The following ERI1 variants were observed in gnomAD, a reference collection of about 807,000 sequenced individuals.
The protein encoded by ERI1 is exoribonuclease 1.
ERI1 carries 39 observed loss-of-function variants against 39.7 expected under a neutral mutation model. The observed-to-expected ratio is 0.98, with a 90% confidence interval of 0.76 to 1.28. ERI1 has a LOEUF of 1.28. Ranked by LOEUF, ERI1 falls within the 50% of genes most tolerant of loss-of-function variation. The probability of loss-of-function intolerance (pLI) is 0.00; values close to 1 mark genes in which losing one functional copy is unlikely to be tolerated. For missense variants in ERI1, 581 were observed against 416.9 expected, an observed-to-expected ratio of 1.39 and a Z score of -3.43; for synonymous variants, 204 against 149.6, an observed-to-expected ratio of 1.36 and a Z score of -2.65.
chr8:9,072,242 TGA>T (rs757747245), intron 3 of ERI1, among the ~76,000 whole-genome samples: 34 of 152,188 alleles, frequency 2.2e-4, no homozygotes, highest in Admixed American at 1.6e-3. Context: ...GTTGCCGTGT[TGA>T]GTCTTGTTTT....
intron 3 of ERI1, among the ~76,000 whole-genome samples, chr8:9,090,399 G>T (rs748466433): frequency 6.6e-6 from 1 of 152,150 alleles, no homozygotes; most frequent in Non-Finnish European, 1.5e-5. Flanking sequence ...TAGGAATCCA[G>T]CCAAAGGAAA....
At chr8:9,085,191 C>A (rs1011859565) in intron 3 of ERI1, among the ~76,000 whole-genome samples, 3 of 152,166 alleles carry the variant, frequency 2.0e-5, no homozygotes, top group Middle Eastern at 3.4e-3. Flanking sequence ...GTTTTTCTTT[C>A]TGTTTTTGTT....
chr8:9,063,206 T>G (rs1182797926), intron 3 of ERI1, among the ~76,000 whole-genome samples: 1 of 152,180 alleles, frequency 6.6e-6, no homozygotes, highest in East Asian at 1.9e-4. Context: ...TTTGACCTTT[T>G]AGGGTCTAGG....
intron 3 of ERI1, among the ~76,000 whole-genome samples, chr8:9,057,993 G>A (rs1212901048): frequency 2.0e-5 from 3 of 152,206 alleles, no homozygotes; most frequent in African/African-American, 4.8e-5. Flanking sequence ...GGGGGCCGTT[G>A]CAAGCATTTG....
At chr8:9,022,579 C>A (rs1023129329) in intron 6 of ERI1, among the ~76,000 whole-genome samples, 2 of 151,822 alleles carry the variant, frequency 1.3e-5, no homozygotes. Flanking sequence ...TTTGTATTTT[C>A]AGTAGAGACG....
downstream of ERI1, among the ~76,000 whole-genome samples, chr8:9,034,036 C>T (rs1391043695): frequency 6.6e-6 from 1 of 152,196 alleles, no homozygotes; most frequent in Non-Finnish European, 1.5e-5. Context: ...ACGATTTTTG[C>T]TTTAAAATTT....
chr8:9,027,137 G>GT (rs1491337612), intron 6 of ERI1, among the ~76,000 whole-genome samples: 3 of 45,860 alleles, frequency 6.5e-5, no homozygotes, highest in Non-Finnish European at 1.1e-4. Context: ...TTATTTTCTG[G>GT]TGTGTGTGTG....
intron 3 of ERI1, among the ~76,000 whole-genome samples, chr8:9,090,492 A>G (rs1474543727): frequency 6.6e-6 from 1 of 152,222 alleles, no homozygotes; most frequent in African/African-American, 2.4e-5. Context: ...AAAAAAATCT[A>G]CATGACCAGG....
rs551127774 is a variant in ERI1, at chr8:9,072,691, C to T, written n.300-43657C>T. Among the ~76,000 whole-genome samples, 8 of 152,204 alleles carry T rather than the reference C, an allele frequency of 5.3e-5. No individual in the cohort carries two copies. The South Asian group carries it at 1.7e-3, about 32-fold the overall frequency. ...TTTGATTTAAATCTCCATCTCACTC[C>T]GCCACTATTTTTGATCAATTCTTCA... On this transcript the variant is annotated intron_variant and non_coding_transcript_variant, in intron 3 of 3. Coordinates refer to the ERI1 transcript ENST00000518663.
chr8:9,009,580 G>T (rs186830448), intron 2 of ERI1, among the ~76,000 whole-genome samples: 20 of 151,988 alleles, frequency 1.3e-4, no homozygotes, highest in African/African-American at 3.9e-4. Context: ...TTGCTCTGTC[G>T]CCAGGCTGGA....
In ERI1 at chr8:9,030,045, G is replaced by A; in HGVS notation, c.*11G>A. 1 of 1,611,894 alleles carries A rather than the reference G, an allele frequency of 6.2e-7. No homozygotes were observed. Among genetic ancestry groups the A allele is most frequent in the African/African-American group, 1.3e-5 (1 of 75,008 alleles). On this transcript the variant is annotated 3_prime_UTR_variant, in exon 7 of 7. Coordinates refer to ENST00000250263, the MANE Select transcript of ERI1 (RefSeq NM_153332.4). ...CATTTTAGAAAGTAACAACAGTTTT[G>A]TGTGTGGATCATTCCAATTGAAGTT...
chr8:9,087,086 GGTTT>G (rs1332498017), intron 3 of ERI1, among the ~76,000 whole-genome samples: 1 of 151,730 alleles, frequency 6.6e-6, no homozygotes, highest in Admixed American at 6.6e-5. Context: ...AGAATGTGCA[GGTTT>G]GTTACATAGG....
chr8:9,048,112 G>C (rs1798238024), intron 3 of ERI1, among the ~76,000 whole-genome samples: 1 of 152,212 alleles, frequency 6.6e-6, no homozygotes, highest in Admixed American at 6.5e-5. Context: ...AACCACCTGA[G>C]TGAAGAAAAA....
chr8:9,029,100 T>C (rs1359502051), intron 6 of ERI1, among the ~76,000 whole-genome samples: 3 of 152,024 alleles, frequency 2.0e-5, no homozygotes. Context: ...AAGGCTAGTC[T>C]TTTTATCTAA....
chr8:9,047,588 A>G (rs1352575654), intron 3 of ERI1, among the ~76,000 whole-genome samples: 4 of 151,942 alleles, frequency 2.6e-5, no homozygotes, highest in African/African-American at 7.3e-5. Flanking sequence ...AGTCCCAGCT[A>G]CTCAGGAGGC....
At chr8:9,064,614 G>A (rs996181471) in intron 3 of ERI1, among the ~76,000 whole-genome samples, 16 of 152,202 alleles carry the variant, frequency 1.1e-4, no homozygotes, top group African/African-American at 2.7e-4. Context: ...AGTGAGAGAG[G>A]TTGGAGAAGA....
chr8:9,088,079 T>A (rs998689029), intron 3 of ERI1, among the ~76,000 whole-genome samples: 1 of 152,142 alleles, frequency 6.6e-6, no homozygotes, highest in South Asian at 2.1e-4. Flanking sequence ...AAGTTACTTA[T>A]GAAATCATTG....
chr8:9,053,709 T>A (rs1798426344), intron 3 of ERI1, among the ~76,000 whole-genome samples: 1 of 152,160 alleles, frequency 6.6e-6, no homozygotes, highest in South Asian at 2.1e-4. Flanking sequence ...ACTGAGGCCT[T>A]GGTTTGTGTG....
At chr8:9,067,018 C>A (rs1317257012) in intron 3 of ERI1, among the ~76,000 whole-genome samples, 1 of 152,076 alleles carries the variant, frequency 6.6e-6, no homozygotes, top group Non-Finnish European at 1.5e-5. Flanking sequence ...GCTGTGTAAA[C>A]CTGGCCAAGG....
Sources: gnomAD v4.1 joint callset for allele counts (sites outside exome capture counted in the v4.1 genomes callset) on GRCh38, gnomAD v4.1.1 for gene constraint, MANE v1.5 for transcripts, NCBI Gene and HGNC (gene_info 2026-07-23, HGNC 2026-07-21) for gene names.